Variants in CNTNAP2 observed in about 807,000 individuals in gnomAD.
CNTNAP2 encodes contactin-associated protein-like 2.
In CNTNAP2, 98 loss-of-function variants were observed where a neutral mutation model predicts 155.2. The observed-to-expected ratio is 0.63, with a 90% confidence interval of 0.54 to 0.75. CNTNAP2 has a LOEUF of 0.75. Among genes scored for constraint, CNTNAP2 ranks in the 30% least tolerant of loss-of-function variants. The probability of loss-of-function intolerance (pLI) is 0.00; values close to 1 mark genes in which losing one functional copy is unlikely to be tolerated. For synonymous variants in CNTNAP2, 651 were observed against 631.2 expected, an observed-to-expected ratio of 1.03 and a Z score of -0.47; for missense variants, 1,727 against 1,688.1, an observed-to-expected ratio of 1.02 and a Z score of -0.40.
intron 14 of CNTNAP2, among the ~76,000 whole-genome samples, chr7:147,977,472 T>C (rs747247248): frequency 4.6e-5 from 7 of 152,198 alleles, no homozygotes; most frequent in Non-Finnish European, 8.8e-5. Flanking sequence ...TCAAATAGGG[T>C]TTTGTTTCAC....
In CNTNAP2 at chr7:147,234,653, T is replaced by C. The variant is rs75683821; in HGVS notation, c.1349-65488T>C. 1.1e-3 allele frequency among the ~76,000 whole-genome samples: 165 copies of C among 152,264 alleles called. 1 individual carries two copies. In the East Asian group the frequency reaches 0.026, roughly 24 times the overall value. On this transcript the variant is annotated intron_variant, in intron 8 of 23. Coordinates refer to ENST00000361727, the MANE Select transcript of CNTNAP2 (RefSeq NM_014141.6). ...CGCGCCCGGCCCAGAGTATTCTTTA[T>C]AGCAAAACGATGCAGTTCAGAGTCA...
At chr7:146,728,392 G>A (rs1027415055) in intron 1 of CNTNAP2, among the ~76,000 whole-genome samples, 4 of 152,074 alleles carry the variant, frequency 2.6e-5, no homozygotes, top group African/African-American at 9.7e-5. Flanking sequence ...AGCCCTTGAT[G>A]TTTATTGCAA....
chr7:148,144,217 T>C (rs1161953138), intron 16 of CNTNAP2, among the ~76,000 whole-genome samples: 2 of 152,194 alleles, frequency 1.3e-5, no homozygotes, highest in Non-Finnish European at 2.9e-5. Context: ...AAGATACAGA[T>C]AGTGTCTTCC....
rs34229180 is a variant in CNTNAP2, at chr7:148,259,179, T to TAAAAAAAAA, written c.3382-7832_3382-7824dup. Among the ~76,000 whole-genome samples the TAAAAAAAAA allele has an allele frequency of 1.0e-3, 25 of 24,026 alleles. 5 individuals are homozygous for TAAAAAAAAA. Among genetic ancestry groups the TAAAAAAAAA allele is most frequent in the African/African-American group, 3.1e-3 (17 of 5,562 alleles). 15.8% of individuals were successfully genotyped at this position (24,026 alleles called of 152,430 possible). A position where few individuals can be genotyped will look rare whatever the true frequency, so the allele number is the denominator to read the frequency against. On this transcript the variant is annotated intron_variant, in intron 20 of 23. Coordinates refer to ENST00000361727, the MANE Select transcript of CNTNAP2 (RefSeq NM_014141.6). ...GGGCAACAAAAGCAAAACTCCGTCT[T>TAAAAAAAAA]AAAAAAAAAAAAAAAAAAAAAAAAA...
At chr7:146,504,267 C>A in intron 1 of CNTNAP2, among the ~76,000 whole-genome samples, 1 of 132,860 alleles carries the variant, frequency 7.5e-6, no homozygotes, top group Non-Finnish European at 1.8e-5. Flanking sequence ...TACTAGTATT[C>A]CTGCTATGCT....
At chr7:147,794,795 T>A (rs1797868074) in intron 13 of CNTNAP2, among the ~76,000 whole-genome samples, 1 of 151,866 alleles carries the variant, frequency 6.6e-6, no homozygotes, top group Non-Finnish European at 1.5e-5. Flanking sequence ...TAATATATTC[T>A]ATTTCTTTCT....
intron 3 of CNTNAP2, among the ~76,000 whole-genome samples, chr7:146,852,763 C>G (rs544750671): frequency 1.3e-5 from 2 of 152,258 alleles, no homozygotes; most frequent in East Asian, 3.9e-4. Context: ...CTAGTATCTG[C>G]TTGAAAATGG....
At chr7:147,524,259 G>T (rs1412167097) in intron 11 of CNTNAP2, among the ~76,000 whole-genome samples, 2 of 152,152 alleles carry the variant, frequency 1.3e-5, no homozygotes, top group African/African-American at 4.8e-5. Context: ...GCATGGTGGT[G>T]CCTGCCTGTA....
At chr7:146,727,728 A>G (rs1801455314) in intron 1 of CNTNAP2, among the ~76,000 whole-genome samples, 1 of 152,210 alleles carries the variant, frequency 6.6e-6, no homozygotes, top group Admixed American at 6.5e-5. Flanking sequence ...CTACCCAGTA[A>G]TATTTATAGA....
At chr7:147,101,125 A>G (rs1162046387) in intron 4 of CNTNAP2, among the ~76,000 whole-genome samples, 1 of 152,220 alleles carries the variant, frequency 6.6e-6, no homozygotes, top group South Asian at 2.1e-4. Context: ...TCCGTTTACC[A>G]TCAGGAGCAC....
intron 8 of CNTNAP2, among the ~76,000 whole-genome samples, chr7:147,155,865 T>A (rs1338676963): frequency 6.6e-6 from 1 of 152,212 alleles, no homozygotes; most frequent in Admixed American, 6.5e-5. Flanking sequence ...AGAGGGACCC[T>A]GAGGAGCTTA....
At chr7:146,256,887 C>T (rs563771344) in intron 1 of CNTNAP2, among the ~76,000 whole-genome samples, 11 of 152,238 alleles carry the variant, frequency 7.2e-5, no homozygotes, top group African/African-American at 2.6e-4. Context: ...TTCCCTACTA[C>T]ATCTCTAAGG....
intron 13 of CNTNAP2, among the ~76,000 whole-genome samples, chr7:147,765,008 G>A (rs1039206957): frequency 1.1e-4 from 17 of 152,272 alleles, no homozygotes; most frequent in Admixed American, 1.1e-3. Context: ...GCTGAAGCTG[G>A]TCGAATTTAA....
At chr7:147,379,352 C>T (rs1387243988) in intron 9 of CNTNAP2, among the ~76,000 whole-genome samples, 2 of 152,014 alleles carry the variant, frequency 1.3e-5, no homozygotes, top group African/African-American at 4.8e-5. Context: ...CCAAATATTC[C>T]ATGCGGTGTT....
intron 2 of CNTNAP2, among the ~76,000 whole-genome samples, chr7:146,811,708 C>G (rs891804786): frequency 6.6e-6 from 1 of 152,138 alleles, no homozygotes; most frequent in Admixed American, 6.6e-5. Context: ...CAAATCCTAT[C>G]TTAAATTGTA....
chr7:147,436,894 C>T (rs1453019700), intron 10 of CNTNAP2, among the ~76,000 whole-genome samples: 1 of 152,028 alleles, frequency 6.6e-6, no homozygotes, highest in African/African-American at 2.4e-5. Flanking sequence ...GGAAAACATT[C>T]CAGGGTTTTA....
chr7:146,813,504 A>G (rs1803107543), intron 2 of CNTNAP2, among the ~76,000 whole-genome samples: 1 of 152,142 alleles, frequency 6.6e-6, no homozygotes, highest in Non-Finnish European at 1.5e-5. Flanking sequence ...TCCCACTTGG[A>G]ATGGGTGTAT....
At position 146,937,862 on chromosome 7, in the gene CNTNAP2, A is replaced by T. The variant is rs1230503177; in HGVS notation, c.402+97958A>T. Among the ~76,000 whole-genome samples, 5 of 152,196 alleles carry T rather than the reference A, an allele frequency of 3.3e-5. No individual in the cohort carries two copies. The East Asian group carries it at 9.6e-4, about 29-fold the overall frequency. On this transcript the variant is annotated intron_variant, in intron 3 of 23. Transcript: ENST00000361727. ...ACAAAGACTAAAAGTCAGTGTTCTG[A>T]TGGTAGAAGCTTAGGGTTGTTTATA...
chr7:146,648,382 A>G (rs1799851073), intron 1 of CNTNAP2, among the ~76,000 whole-genome samples: 1 of 152,124 alleles, frequency 6.6e-6, no homozygotes, highest in Non-Finnish European at 1.5e-5. Flanking sequence ...TATAATCAGG[A>G]AAAAAATAAT....
Sources: gnomAD v4.1 joint callset for allele counts (sites outside exome capture counted in the v4.1 genomes callset) on GRCh38, gnomAD v4.1.1 for gene constraint, MANE v1.5 for transcripts, NCBI Gene and HGNC (gene_info 2026-07-23, HGNC 2026-07-21) for gene names.